The following ABLIM3 variants were observed in gnomAD, a reference collection of about 807,000 sequenced individuals.
The protein encoded by ABLIM3 is actin-binding LIM protein 3.
In ABLIM3, 61 loss-of-function variants were observed where a neutral mutation model predicts 109.5. The ratio of observed to expected loss-of-function variants is 0.56; its 90% confidence interval spans 0.45 to 0.69. The LOEUF (loss-of-function observed/expected upper bound fraction) is 0.69. ABLIM3 is among the 30% of genes least tolerant of loss of function. ABLIM3 has a pLI of 0.00. For synonymous variants in ABLIM3, 300 were observed against 324.8 expected (o/e 0.92, Z 0.82); for missense variants, 796 against 889.5 (o/e 0.89, Z 1.34).
At chr5:149,191,294 TAAAC>T (rs1463447662) in intron 3 of ABLIM3, among the ~76,000 whole-genome samples, 1 of 152,126 alleles carries the variant, frequency 6.6e-6, no homozygotes, top group African/African-American at 2.4e-5. Flanking sequence ...AGAAATATTA[TAAAC>T]AATTTGAGTA....
intron 8 of ABLIM3, among the ~76,000 whole-genome samples, chr5:149,229,333 G>A: frequency 6.6e-6 from 1 of 152,178 alleles, no homozygotes; most frequent in Admixed American, 6.5e-5. Flanking sequence ...AAAGATTCTT[G>A]TTCCACAAAA....
intron 16 of ABLIM3, 129 bp from the exon 17 acceptor site, chr5:149,246,353 A>C: frequency 1.1e-6 from 1 of 876,386 alleles, no homozygotes; most frequent in African/African-American, 1.7e-5. Flanking sequence ...AGCTTAAACG[A>C]GACTGTTTCC....
At chr5:149,216,757 A>G (rs1760129385) in intron 7 of ABLIM3, 1 of 572,552 alleles carries the variant, frequency 1.7e-6, no homozygotes, top group South Asian at 2.3e-5. Flanking sequence ...CTGAACTGCC[A>G]TCAGGGATCC....
chr5:149,237,010 T>C (rs1026981129), intron 10 of ABLIM3, among the ~76,000 whole-genome samples: 1 of 152,242 alleles, frequency 6.6e-6, no homozygotes, highest in African/African-American at 2.4e-5. Flanking sequence ...TCAAGGATGC[T>C]GTGAATTGGG....
At chr5:149,199,369 A>G (rs1758287551) in intron 4 of ABLIM3, among the ~76,000 whole-genome samples, 1 of 152,198 alleles carries the variant, frequency 6.6e-6, no homozygotes, top group Non-Finnish European at 1.5e-5. Flanking sequence ...TCTGATTGAG[A>G]CTAATGACAG....
chr5:149,173,161 CA>C (rs1415861382), intron 2 of ABLIM3, among the ~76,000 whole-genome samples: 1 of 152,204 alleles, frequency 6.6e-6, no homozygotes, highest in Non-Finnish European at 1.5e-5. Context: ...GGGCCCTGGC[CA>C]GCAGTTCAGA....
intron 7 of ABLIM3, among the ~76,000 whole-genome samples, chr5:149,212,001 G>C (rs1759603737): frequency 6.6e-6 from 1 of 152,034 alleles, no homozygotes; most frequent in Non-Finnish European, 1.5e-5. Flanking sequence ...CAATGTGGCT[G>C]AATTCTATAA....
rs76634097 is a variant in ABLIM3 at position 149,189,954 on chromosome 5, A to G, written c.151+6365A>G. On this transcript the variant is annotated intron_variant, in intron 3 of 23. Transcript: ENST00000309868. ...ATTATTCGTAATAGCCAAAAAGTAG[A>G]AAAACTCAAATCTTCATCAACAAAT... Among the ~76,000 whole-genome samples the G allele has an allele frequency of 0.012, 1,835 of 152,366 alleles. 84 individuals carry two copies. In the East Asian group the frequency reaches 0.15, roughly 13 times the overall value.
chr5:149,199,760 A>AT (rs772053563), intron 4 of ABLIM3, among the ~76,000 whole-genome samples: 6 of 152,208 alleles, frequency 3.9e-5, no homozygotes, highest in Non-Finnish European at 8.8e-5. Flanking sequence ...GGTGCCAGGG[A>AT]TTCTGTGTAT....
At chr5:149,200,224 T>C (rs1239483584) in intron 4 of ABLIM3, 92 bp from the exon 5 acceptor site, 2 of 1,059,452 alleles carry the variant, frequency 1.9e-6, no homozygotes, top group African/African-American at 1.6e-5. Context: ...TCAAGCTGTA[T>C]GTGTTACCAA....
At chr5:149,178,143 C>T (rs1376602680) in intron 2 of ABLIM3, among the ~76,000 whole-genome samples, 2 of 152,040 alleles carry the variant, frequency 1.3e-5, no homozygotes, top group East Asian at 1.9e-4. Flanking sequence ...GAAATCAAAC[C>T]GGAGGCCCCT....
rs148455118 is a variant in ABLIM3 at position 149,149,502 on chromosome 5, G to T, written c.13+7394G>T. Among the ~76,000 whole-genome samples, 636 of 152,266 alleles carry T rather than the reference G, an allele frequency of 4.2e-3. 4 individuals carry two copies. The highest frequency in any genetic ancestry group is 0.015 in the African/African-American group (615 of 41,548). The stretch of plus-strand genomic sequence containing the variant: ...TCTACATAGGAAACTCATAGCTCCC[G>T]GGAAGCCTACAGGAAGCTTATTAAC... On this transcript the variant is annotated intron_variant, in intron 2 of 23. Transcript: ENST00000309868.
In ABLIM3 at chr5:149,258,565, A is replaced by G; in HGVS notation, c.*161A>G. 7.2e-7 allele frequency: 1 copy of G among 1,388,136 alleles called. No individual in the cohort carries two copies. The highest frequency in any genetic ancestry group is 1.7e-5 in the South Asian group (1 of 57,724). 86.0% of individuals were successfully genotyped at this position (1,388,136 alleles called of 1,614,324 possible). A position where few individuals can be genotyped will look rare whatever the true frequency, so the allele number is the denominator to read the frequency against. ...AAGCCCACGTCATCGAGATATTTTT[A>G]TGCTCCTTACTTTCTCTTTTCTAAG... On this transcript the variant is annotated 3_prime_UTR_variant, in exon 24 of 24. Coordinates refer to ENST00000309868, the MANE Select transcript of ABLIM3 (RefSeq NM_014945.5).
At chr5:149,151,400 G>A (rs1327520212) in intron 2 of ABLIM3, among the ~76,000 whole-genome samples, 1 of 152,218 alleles carries the variant, frequency 6.6e-6, no homozygotes, top group African/African-American at 2.4e-5. Context: ...ATATGAGTTT[G>A]TGGGGACACA....
At chr5:149,237,391 A>G in intron 10 of ABLIM3, 57 bp from the exon 11 acceptor site, 1 of 1,572,430 alleles carries the variant, frequency 6.4e-7, no homozygotes, top group Non-Finnish European at 8.7e-7. Context: ...TCCTCTCTCC[A>G]TTCCCTTTTC....
rs753998757 is a variant in ABLIM3, at chr5:149,239,862, G to A, written c.1178G>A (p.Arg393His). 31 of 1,609,440 alleles carry A rather than the reference G, an allele frequency of 1.9e-5. No individual in the cohort carries two copies. Among genetic ancestry groups the A allele is most frequent in the East Asian group, 6.8e-5 (3 of 44,310 alleles). The change falls in exon 13 of 24, where the codon CGC becomes CAC. Residue 393 changes from arginine to histidine, a missense_variant. Transcript: ENST00000309868. ...SRQGMSPTFSRSPHHYYRSGP... is the reference protein window; with the variant it reads ...SRQGMSPTFSHSPHHYYRSGP... Reference sequence around the variant, plus strand: ...CAGGGCATGTCCCCCACCTTCTCCCGCTCACCTCACCACTACTACCGCTCT... The same window carrying A: ...CAGGGCATGTCCCCCACCTTCTCCCACTCACCTCACCACTACTACCGCTCT...
intron 2 of ABLIM3, among the ~76,000 whole-genome samples, chr5:149,180,603 C>T (rs774762381): frequency 6.6e-6 from 1 of 150,848 alleles, no homozygotes; most frequent in Non-Finnish European, 1.5e-5. Context: ...CTTACATCAG[C>T]AATCTGGAAG....
chr5:149,175,140 C>T (rs1755807750), intron 2 of ABLIM3, among the ~76,000 whole-genome samples: 1 of 152,170 alleles, frequency 6.6e-6, no homozygotes, highest in South Asian at 2.1e-4. Context: ...GGGATGTTTC[C>T]CCTTCTCTAT....
intron 2 of ABLIM3, among the ~76,000 whole-genome samples, chr5:149,146,850 A>G (rs900701400): frequency 6.6e-6 from 1 of 152,208 alleles, no homozygotes; most frequent in Admixed American, 6.5e-5. Flanking sequence ...ATTCTGTAAA[A>G]AATGATGTTG....
Sources: allele counts gnomAD v4.1 joint callset (sites outside exome capture counted in the v4.1 genomes callset), GRCh38; gene constraint gnomAD v4.1.1; transcripts MANE v1.5; gene names NCBI Gene and HGNC (gene_info 2026-07-23, HGNC 2026-07-21).